COL22A1: variants seen among roughly 807,000 people sequenced by gnomAD.
COL22A1 encodes collagen type XXII alpha 1 chain.
Under a neutral mutation model 248.9 loss-of-function variants are expected in COL22A1, and 221 were observed. The observed-to-expected ratio is 0.89, with a 90% confidence interval of 0.80 to 0.99. The LOEUF is 0.99. Among genes scored for constraint, COL22A1 ranks in the 50% least tolerant of loss-of-function variants. The pLI is 0.00. For synonymous variants in COL22A1, 891 were observed against 793.4 expected (o/e 1.12, Z -2.07); for missense variants, 2,240 against 2,179.0 (o/e 1.03, Z -0.56).
chr8:138,901,369 G>GTTTTTTTTTTTTTTTTTTT (rs1396582556), intron 1 of COL22A1, among the ~76,000 whole-genome samples: 1 of 118,772 alleles, frequency 8.4e-6, no homozygotes, highest in African/African-American at 3.1e-5. Flanking sequence ...TTTTTTTTTT[G>GTTTTTTTTTTTTTTTTTTT]TTTTTTTTTT....
At chr8:138,591,580 T>G (rs1387350621) in intron 63 of COL22A1, 79 bp from the exon 64 acceptor site, 23 of 1,159,030 alleles carry the variant, frequency 2.0e-5, no homozygotes, top group Non-Finnish European at 2.5e-5. Context: ...TTGCGGGAGG[T>G]GCAGGGGCAG....
intron 47 of COL22A1, among the ~76,000 whole-genome samples, chr8:138,640,678 G>C (rs145785262): frequency 1.3e-3 from 193 of 152,256 alleles, no homozygotes; most frequent in African/African-American, 4.4e-3. Flanking sequence ...AATGAAGCAA[G>C]TATTATGAGG....
chr8:138,676,454 A>AAAGAAAGAAAAGAAAGAAAGG (rs71582022), intron 41 of COL22A1, 104 bp downstream of exon 41: 1 of 396,726 alleles, frequency 2.5e-6, no homozygotes, highest in Non-Finnish European at 4.4e-6. Flanking sequence ...AGAAAGAAAG[A>AAAGAAAGAAAAGAAAGAAAGG]AAGGAAGAAA....
At chr8:138,624,418 A>T (rs1231875569) in intron 51 of COL22A1, among the ~76,000 whole-genome samples, 1 of 152,170 alleles carries the variant, frequency 6.6e-6, no homozygotes, top group African/African-American at 2.4e-5. Context: ...AAGCCTAAGG[A>T]CAACAGTGAG....
chr8:138,728,792 T>C (rs1011559401), intron 23 of COL22A1, among the ~76,000 whole-genome samples: 2 of 152,006 alleles, frequency 1.3e-5, no homozygotes, highest in African/African-American at 4.8e-5. Flanking sequence ...CTGTCACAAA[T>C]GCAGGTACAC....
chr8:138,759,613 CA>C (rs1833282329), intron 18 of COL22A1, among the ~76,000 whole-genome samples: 1 of 152,176 alleles, frequency 6.6e-6, no homozygotes, highest in Non-Finnish European at 1.5e-5. Context: ...AGGCTATTTT[CA>C]TGGACATTTT....
At chr8:138,718,360 G>A (rs1393842733) in intron 27 of COL22A1, among the ~76,000 whole-genome samples, 1 of 152,140 alleles carries the variant, frequency 6.6e-6, no homozygotes, top group Non-Finnish European at 1.5e-5. Context: ...CATTTGCAGT[G>A]GGAGTTGCTT....
chr8:138,708,478 T>A (rs1176851868), intron 30 of COL22A1, among the ~76,000 whole-genome samples: 1 of 152,098 alleles, frequency 6.6e-6, no homozygotes, highest in East Asian at 1.9e-4. Flanking sequence ...TCAGAAATAA[T>A]ACCACACATC....
intron 23 of COL22A1, among the ~76,000 whole-genome samples, chr8:138,729,992 T>G (rs977550463): frequency 1.3e-5 from 2 of 152,116 alleles, no homozygotes; most frequent in Admixed American, 1.3e-4. Flanking sequence ...GAGCATCCTG[T>G]GAGGACCTGG....
chr8:138,724,781 G>GGGGCCTCTACTGTCC, intron 24 of COL22A1, 113 bp from the exon 25 acceptor site: 1 of 970,984 alleles, frequency 1.0e-6, no homozygotes, highest in Non-Finnish European at 1.6e-6. Flanking sequence ...AGGGCACCCT[G>GGGGCCTCTACTGTCC]GGGCCTCTAC....
chr8:138,660,981 C>CACAG (rs1823873620), intron 43 of COL22A1, among the ~76,000 whole-genome samples: 1 of 138,954 alleles, frequency 7.2e-6, no homozygotes, highest in African/African-American at 2.7e-5. Context: ...CACATACACA[C>CACAG]ACACATACAC....
chr8:138,836,009 G>A (rs1228941137), intron 4 of COL22A1, among the ~76,000 whole-genome samples: 2 of 152,176 alleles, frequency 1.3e-5, no homozygotes, highest in Non-Finnish European at 2.9e-5. Flanking sequence ...AATGGCTCAC[G>A]CCTGTAATCC....
intron 9 of COL22A1, among the ~76,000 whole-genome samples, chr8:138,810,616 T>C (rs772000973): frequency 1.3e-5 from 2 of 152,094 alleles, no homozygotes; most frequent in Non-Finnish European, 2.9e-5. Flanking sequence ...AGCTTGGGCC[T>C]CCAGCAAGGG....
chr8:138,662,144 C>T (rs1286784876), intron 42 of COL22A1, 61 bp from the exon 43 acceptor site: 2 of 1,419,050 alleles, frequency 1.4e-6, no homozygotes, highest in African/African-American at 2.8e-5. Flanking sequence ...AAGGACACAC[C>T]CTCCTTGGCA....
intron 7 of COL22A1, among the ~76,000 whole-genome samples, chr8:138,814,626 C>G (rs1165985493): frequency 6.6e-6 from 1 of 152,172 alleles, no homozygotes; most frequent in Non-Finnish European, 1.5e-5. Context: ...TTGGAGGTGG[C>G]TTTTCAGCCT....
chr8:138,821,603 C>T (rs775416987), intron 6 of COL22A1, among the ~76,000 whole-genome samples, 192 bp from the exon 7 acceptor site: 3 of 152,270 alleles, frequency 2.0e-5, no homozygotes, highest in Middle Eastern at 3.4e-3. Context: ...GGTTCCTCCT[C>T]GCACAATGGT....
At chr8:138,771,296 C>T (rs1834348991) in intron 16 of COL22A1, among the ~76,000 whole-genome samples, 1 of 152,222 alleles carries the variant, frequency 6.6e-6, no homozygotes, top group Admixed American at 6.5e-5. Context: ...GGAAATACGC[C>T]AGCATTCTGC....
chr8:138,853,074 C>T, intron 3 of COL22A1, among the ~76,000 whole-genome samples: 1 of 151,856 alleles, frequency 6.6e-6, no homozygotes, highest in East Asian at 1.9e-4. Context: ...TACCCGGGAG[C>T]CTGAGGCAGA....
chr8:138,734,470 T>C (rs1374277490), intron 23 of COL22A1, among the ~76,000 whole-genome samples: 2 of 152,110 alleles, frequency 1.3e-5, no homozygotes, highest in Non-Finnish European at 2.9e-5. Flanking sequence ...CCAGGCAAGG[T>C]AGACACATGG....
Sources: gnomAD v4.1 joint callset for allele counts (sites outside exome capture counted in the v4.1 genomes callset) on GRCh38, gnomAD v4.1.1 for gene constraint, MANE v1.5 for transcripts, NCBI Gene and HGNC (gene_info 2026-07-23, HGNC 2026-07-21) for gene names.